CDKAL1: variants seen among roughly 807,000 people sequenced by gnomAD.
CDKAL1 encodes the protein threonylcarbamoyladenosine tRNA methylthiotransferase.
In CDKAL1, 32 loss-of-function variants were observed where a neutral mutation model predicts 68.2. The ratio of observed to expected loss-of-function variants is 0.47; its 90% CI spans 0.35 to 0.63. The LOEUF (loss-of-function observed/expected upper bound fraction) is 0.63, where lower values mean the gene tolerates loss of function less well. Among genes scored for constraint, CDKAL1 ranks in the 30% least tolerant of loss-of-function variants. The pLI, the probability that CDKAL1 is intolerant of heterozygous loss-of-function variation, is 0.00. For missense variants in CDKAL1, 606 were observed against 696.7 expected (o/e 0.87, Z 1.47); for synonymous variants, 234 against 244.3 (o/e 0.96, Z 0.39).
chr6:20,933,004 T>G (rs1012231367), intron 9 of CDKAL1, among the ~76,000 whole-genome samples: 11 of 152,184 alleles, frequency 7.2e-5, no homozygotes, highest in African/African-American at 2.7e-4. Context: ...TGTCCAGACA[T>G]TGAGTTAATC....
At chr6:21,145,459 T>C (rs1776120078) in intron 13 of CDKAL1, among the ~76,000 whole-genome samples, 1 of 152,124 alleles carries the variant, frequency 6.6e-6, no homozygotes, top group Admixed American at 6.6e-5. Context: ...AACCCCTAGG[T>C]CAAGTGCCCA....
At chr6:21,053,943 G>A (rs1770687098) in intron 11 of CDKAL1, among the ~76,000 whole-genome samples, 1 of 152,022 alleles carries the variant, frequency 6.6e-6, no homozygotes, top group Non-Finnish European at 1.5e-5. Flanking sequence ...TATCTTTTGA[G>A]TAAGTTTAAT....
At chr6:20,701,811 A>T (rs1435233553) in intron 5 of CDKAL1, among the ~76,000 whole-genome samples, 3 of 152,118 alleles carry the variant, frequency 2.0e-5, no homozygotes, top group African/African-American at 4.8e-5. Context: ...ACCCATTTGT[A>T]TGTGTAGTTT....
At chr6:21,067,787 G>C (rs1771538428) in intron 12 of CDKAL1, among the ~76,000 whole-genome samples, 1 of 151,878 alleles carries the variant, frequency 6.6e-6, no homozygotes. Context: ...CTGCCAAATA[G>C]TTTCCCCAAA....
chr6:20,546,358 C>T lies in CDKAL1; in HGVS notation c.8C>T (p.Ser3Phe). The change falls in exon 3 of 16, where the codon TCT (serine) becomes TTT (phenylalanine). Residue 3 changes from serine (S) to phenylalanine (F), a missense_variant. By Grantham distance (155) the Ser-to-Phe change is radical. Coordinates refer to ENST00000274695, the MANE Select transcript of CDKAL1 (RefSeq NM_017774.3). MP[S>F]ASCDTLLDDI... ...TTTTATGTGGTAGAGAATATGCCTT[C>T]TGCATCCTGTGATACACTACTGGAT... 6.2e-7 allele frequency: 1 copy of T among 1,610,884 alleles called. No homozygotes were observed. Among genetic ancestry groups the T allele is most frequent in the Non-Finnish European group, 8.5e-7 (1 of 1,178,040 alleles).
chr6:20,988,182 ATGTGTGTGTGTGTGTGTGTGTG>A (rs58720900), intron 10 of CDKAL1, among the ~76,000 whole-genome samples: 2 of 137,388 alleles, frequency 1.5e-5, no homozygotes, highest in African/African-American at 2.7e-5. Flanking sequence ...GAAACATAAT[ATGTGTGTGTGTGTGTGTGTGTG>A]TGTGTGTGTG....
chr6:20,828,685 C>T (rs927635389), intron 8 of CDKAL1, among the ~76,000 whole-genome samples: 1 of 152,168 alleles, frequency 6.6e-6, no homozygotes, highest in Non-Finnish European at 1.5e-5. Flanking sequence ...GTCTGTCGTT[C>T]TTGTGGTAAA....
intron 4 of CDKAL1, among the ~76,000 whole-genome samples, chr6:20,623,163 G>A (rs6456361): frequency 0.49 from 73,585 of 151,072 alleles, 17,983 homozygotes; most frequent in East Asian, 0.64. Flanking sequence ...AGATTGTTTT[G>A]GTCAAATTTG....
intron 11 of CDKAL1, among the ~76,000 whole-genome samples, chr6:21,053,019 G>T (rs1248671867): frequency 6.6e-6 from 1 of 152,122 alleles, no homozygotes; most frequent in Non-Finnish European, 1.5e-5. Context: ...TTCATTCAAT[G>T]TAAGTGTTTT....
intron 5 of CDKAL1, among the ~76,000 whole-genome samples, chr6:20,729,226 A>G (rs1022990644): frequency 3.3e-5 from 5 of 152,198 alleles, no homozygotes; most frequent in African/African-American, 9.7e-5. Context: ...TCTTTATGAC[A>G]TCTGTCCCCT....
chr6:20,560,233 T>C (rs569983871), intron 4 of CDKAL1, among the ~76,000 whole-genome samples: 1 of 152,376 alleles, frequency 6.6e-6, no homozygotes, highest in South Asian at 2.1e-4. Flanking sequence ...GTTTACACTT[T>C]ATTTCTTCTG....
chr6:20,686,869 C>T (rs1770653024), intron 5 of CDKAL1, among the ~76,000 whole-genome samples: 1 of 152,102 alleles, frequency 6.6e-6, no homozygotes, highest in Admixed American at 6.5e-5. Context: ...ATATCTCGTT[C>T]ACTGAGATCT....
intron 9 of CDKAL1, among the ~76,000 whole-genome samples, chr6:20,875,311 A>G (rs1454422782): frequency 7.2e-6 from 1 of 138,026 alleles, no homozygotes; most frequent in African/African-American, 2.6e-5. Flanking sequence ...GTCTCAAAAA[A>G]AAAAAAAAAA....
chr6:20,613,966 A>C (rs1210318948), intron 4 of CDKAL1, among the ~76,000 whole-genome samples: 1 of 148,970 alleles, frequency 6.7e-6, no homozygotes, highest in African/African-American at 2.4e-5. Flanking sequence ...CCTTGCCAAC[A>C]TAGTTCTATG....
intron 11 of CDKAL1, among the ~76,000 whole-genome samples, chr6:21,014,594 G>C (rs905740546): frequency 2.0e-5 from 3 of 150,222 alleles, no homozygotes; most frequent in African/African-American, 7.3e-5. Flanking sequence ...CTGGGTGACA[G>C]AGCGAGACTC....
At chr6:20,854,657 T>G (rs1245811519) in intron 9 of CDKAL1, among the ~76,000 whole-genome samples, 1 of 152,224 alleles carries the variant, frequency 6.6e-6, no homozygotes, top group Admixed American at 6.5e-5. Context: ...TGAGTTTTCA[T>G]AGTTCAGAGT....
chr6:20,669,572 G>A (rs933695388), intron 5 of CDKAL1, among the ~76,000 whole-genome samples: 2 of 152,120 alleles, frequency 1.3e-5, no homozygotes. Flanking sequence ...ATACTAATGA[G>A]AATGGTACAA....
intron 5 of CDKAL1, among the ~76,000 whole-genome samples, chr6:20,725,798 A>AG (rs1581454250): frequency 6.6e-6 from 1 of 151,562 alleles, no homozygotes; most frequent in African/African-American, 2.4e-5. Flanking sequence ...AAAAAAAAAA[A>AG]AAAAAAGAAA....
intron 5 of CDKAL1, among the ~76,000 whole-genome samples, chr6:20,694,042 T>TTGTGTGTGTGTGTGTATATG (rs1261180037): frequency 8.1e-4 from 93 of 114,394 alleles, no homozygotes; most frequent in African/African-American, 3.8e-3. Context: ...CCGGCTAACT[T>TTGTGTGTGTGTGTGTATATG]TGTGTGTGTG....
Sources: allele counts gnomAD v4.1 joint callset (sites outside exome capture counted in the v4.1 genomes callset), GRCh38; gene constraint gnomAD v4.1.1; transcripts MANE v1.5; gene names NCBI Gene and HGNC (gene_info 2026-07-23, HGNC 2026-07-21).